Variants in ELFN1 observed in about 807,000 individuals in gnomAD.
ELFN1 encodes the protein protein ELFN1.
ELFN1 carries 6 observed loss-of-function variants against 7.6 expected under a neutral mutation model. That is an observed-to-expected ratio of 0.79 (90% CI 0.43 to 1.56). The LOEUF (loss-of-function observed/expected upper bound fraction) is 1.56. Ranked by LOEUF, ELFN1 falls within the 40% of genes most tolerant of loss-of-function variation. The pLI is 0.01. For missense variants in ELFN1, 1,169 were observed against 1,232.2 expected (o/e 0.95, Z 0.77); for synonymous variants, 657 against 588.1 (o/e 1.12, Z -1.70).
At chr7:1,725,325 C>T (rs928016411) in intron 3 of ELFN1, among the ~76,000 whole-genome samples, 20 of 152,222 alleles carry the variant, frequency 1.3e-4, no homozygotes, top group African/African-American at 3.6e-4. Flanking sequence ...TGGCAGCTGG[C>T]GGGGGCCCTG....
At position 1,738,330 on chromosome 7, in the gene ELFN1, C is replaced by T. The variant is rs116056944; in HGVS notation, c.-293-5974C>T. 3.7e-3 allele frequency among the ~76,000 whole-genome samples: 562 copies of T among 152,266 alleles called. 3 individuals carry two copies. Among genetic ancestry groups the T allele is most frequent in the African/African-American group, 0.012 (502 of 41,562 alleles). The stretch of plus-strand genomic sequence containing the variant: ...CCGATGAGACCTGGCGGGGTATGGC[C>T]CAAAGCTGAGATGCAGGACCCCCTG... On this transcript the variant is annotated intron_variant, in intron 3 of 3. Coordinates refer to ENST00000424383, the MANE Select transcript of ELFN1 (RefSeq NM_001128636.4).
chr7:1,737,668 C>T (rs997748687), intron 3 of ELFN1, among the ~76,000 whole-genome samples: 1 of 152,140 alleles, frequency 6.6e-6, no homozygotes, highest in Non-Finnish European at 1.5e-5. Context: ...CAGCCCTGTC[C>T]TCTGCGCCAG....
intron 2 of ELFN1, among the ~76,000 whole-genome samples, chr7:1,698,539 C>T (rs1326210262): frequency 2.6e-5 from 4 of 152,074 alleles, no homozygotes; most frequent in East Asian, 1.9e-4. Context: ...TAATTAAACA[C>T]GAATCCTTTT....
chr7:1,669,759 C>G (rs1017295400), upstream of ELFN1, among the ~76,000 whole-genome samples: 6 of 152,210 alleles, frequency 3.9e-5, no homozygotes, highest in Admixed American at 6.5e-5. Flanking sequence ...CCTGCCCTCC[C>G]GGATAAGGGG....
At chr7:1,719,667 G>T (rs1233743492) in intron 3 of ELFN1, among the ~76,000 whole-genome samples, 1 of 152,160 alleles carries the variant, frequency 6.6e-6, no homozygotes, top group Admixed American at 6.5e-5. Context: ...CAGACCTTTG[G>T]CATCTTCTTG....
At position 1,747,284 on chromosome 7, in the gene ELFN1, GCCCCGGGTGGCACGTGTCCACA is replaced by G. The variant is rs940310999; in HGVS notation, c.*203_*224del. 4 of 468,354 alleles carry G rather than the reference GCCCCGGGTGGCACGTGTCCACA, an allele frequency of 8.5e-6. No homozygotes were observed. The highest frequency in any genetic ancestry group is 1.4e-5 in the Non-Finnish European group (4 of 278,992). 29.0% of individuals were successfully genotyped at this position (468,354 alleles called of 1,614,324 possible). A position where few individuals can be genotyped will look rare whatever the true frequency, so the allele number is the denominator to read the frequency against. The stretch of plus-strand genomic sequence containing the variant: ...TGGCCGGTCCTGGGATGCGCTTGTC[GCCCCGGGTGGCACGTGTCCACA>G]CACACACACACACACACACACACAC... On this transcript the variant is annotated 3_prime_UTR_variant, in exon 4 of 4. Transcript: ENST00000424383.
At chr7:1,716,254 G>C (rs1439505355) in intron 3 of ELFN1, among the ~76,000 whole-genome samples, 1 of 152,202 alleles carries the variant, frequency 6.6e-6, no homozygotes, top group Non-Finnish European at 1.5e-5. Context: ...GCTAATTCCA[G>C]GTTTCCCTGC....
At chr7:1,728,138 G>T (rs1310676414) in intron 3 of ELFN1, among the ~76,000 whole-genome samples, 1 of 146,342 alleles carries the variant, frequency 6.8e-6, no homozygotes, top group Non-Finnish European at 1.5e-5. Flanking sequence ...GCTCCAGGTT[G>T]CGAGGACAGG....
chr7:1,743,942 G>T (rs1357985654), intron 3 of ELFN1, among the ~76,000 whole-genome samples: 2 of 152,200 alleles, frequency 1.3e-5, no homozygotes, highest in Non-Finnish European at 2.9e-5. Flanking sequence ...GACCGGGGTT[G>T]CGCCGAGAGT....
intron 3 of ELFN1, among the ~76,000 whole-genome samples, chr7:1,730,764 T>C (rs1460703325): frequency 6.6e-6 from 1 of 152,198 alleles, no homozygotes; most frequent in Non-Finnish European, 1.5e-5. Flanking sequence ...CAGAAACTTA[T>C]ATTAAAAAAC....
At chr7:1,675,733 G>A (rs916262962) in intron 1 of ELFN1, among the ~76,000 whole-genome samples, 10 of 152,348 alleles carry the variant, frequency 6.6e-5, no homozygotes, top group Admixed American at 6.5e-4. Context: ...ACAGTGAGGC[G>A]TCGCTGGCCC....
chr7:1,668,434 G>A (rs971682812), upstream of ELFN1, among the ~76,000 whole-genome samples: 1 of 152,248 alleles, frequency 6.6e-6, no homozygotes, highest in African/African-American at 2.4e-5. Context: ...GAACCTGCTG[G>A]AAATGGGGAT....
intron 2 of ELFN1, among the ~76,000 whole-genome samples, chr7:1,708,036 G>C (rs370656526): frequency 6.6e-6 from 1 of 151,850 alleles, no homozygotes; most frequent in Non-Finnish European, 1.5e-5. Context: ...CCAACCTCGC[G>C]AACCCCTTTG....
chr7:1,717,048 A>C (rs1779855706), intron 3 of ELFN1, among the ~76,000 whole-genome samples: 1 of 152,030 alleles, frequency 6.6e-6, no homozygotes, highest in South Asian at 2.1e-4. Flanking sequence ...AGGAGGGAGG[A>C]GGGGGAAAGG....
intron 3 of ELFN1, among the ~76,000 whole-genome samples, chr7:1,736,265 C>T (rs1440840903): frequency 6.6e-6 from 1 of 151,994 alleles, no homozygotes; most frequent in East Asian, 1.9e-4. Flanking sequence ...CCAACCATCT[C>T]CCCGCCTCCC....
rs1778810072 is a variant in ELFN1 at position 1,673,593 on chromosome 7, G to C, written c.-549+3239G>C. 6.6e-6 allele frequency among the ~76,000 whole-genome samples: 1 copy of C among 152,144 alleles called. No homozygotes were observed. The highest frequency in any genetic ancestry group is 6.5e-5 in the Admixed American group (1 of 15,280). Reference sequence around the variant, plus strand: ...CCTGGGGAGGGAGGGCGGGAGGTGAGAGACCACCCTGGGAGCGCTGATGGC... The same window carrying C: ...CCTGGGGAGGGAGGGCGGGAGGTGACAGACCACCCTGGGAGCGCTGATGGC... On this transcript the variant is annotated intron_variant, in intron 1 of 3. Coordinates refer to ENST00000424383, the MANE Select transcript of ELFN1 (RefSeq NM_001128636.4). This position sits in a 1 kb window ranked among gnomAD's most constrained non-coding sequence, Gnocchi z 4.7.
intron 2 of ELFN1, among the ~76,000 whole-genome samples, chr7:1,696,248 G>T (rs1779307039): frequency 6.6e-6 from 1 of 151,304 alleles, no homozygotes; most frequent in Non-Finnish European, 1.5e-5. Flanking sequence ...GAGAGAGAGA[G>T]AAAGAGGGTG....
intron 2 of ELFN1, among the ~76,000 whole-genome samples, chr7:1,689,441 C>A (rs1016017502): frequency 2.0e-5 from 3 of 152,142 alleles, no homozygotes; most frequent in Non-Finnish European, 2.9e-5. Flanking sequence ...CGGCTCAGTC[C>A]CCAAGCCACT....
chr7:1,699,760 A>G (rs1779387753), intron 2 of ELFN1, among the ~76,000 whole-genome samples: 1 of 152,108 alleles, frequency 6.6e-6, no homozygotes, highest in Non-Finnish European at 1.5e-5. Flanking sequence ...CTGGAGTGCA[A>G]TGGCATGATC....
Sources: gnomAD v4.1 joint callset for allele counts (sites outside exome capture counted in the v4.1 genomes callset) on GRCh38, gnomAD v4.1.1 for gene constraint, Gnocchi (gnomAD v3.1) non-coding constraint, MANE v1.5 for transcripts, NCBI Gene and HGNC (gene_info 2026-07-23, HGNC 2026-07-21) for gene names.